Variants in TRMT11 observed in about 807,000 individuals in gnomAD.
The protein encoded by TRMT11 is tRNA methyltransferase 11, also known as tRNA (guanine(10)-N(2))-methyltransferase TRMT11.
A neutral mutation model predicts 62.8 loss-of-function variants in TRMT11; 53 were observed. The ratio of observed to expected loss-of-function variants is 0.84; its 90% CI spans 0.68 to 1.06. TRMT11 has a LOEUF of 1.06. TRMT11 is among the 50% of genes least tolerant of loss of function. The pLI is 0.00. For synonymous variants in TRMT11, 188 were observed against 190.3 expected (o/e 0.99, Z 0.10); for missense variants, 556 against 553.4 (o/e 1.00, Z -0.05).
chr6:126,133,626 A>G (rs575831696), intron 21 of TRMT11, among the ~76,000 whole-genome samples: 1 of 152,118 alleles, frequency 6.6e-6, no homozygotes, highest in African/African-American at 2.4e-5. Context: ...TTATTAGACA[A>G]TATAGTGGGA....
intron 21 of TRMT11, among the ~76,000 whole-genome samples, chr6:126,169,530 G>GT (rs1227281359): frequency 1.3e-5 from 2 of 152,142 alleles, no homozygotes; most frequent in African/African-American, 2.4e-5. Flanking sequence ...ATTCCTCTTG[G>GT]TTTTGACTGC....
chr6:126,055,224 C>T (rs1776337926), intron 17 of TRMT11, among the ~76,000 whole-genome samples: 1 of 152,294 alleles, frequency 6.6e-6, no homozygotes, highest in African/African-American at 2.4e-5. Flanking sequence ...CTCGGCCTCC[C>T]AAAGTGCTAT....
chr6:125,998,810 TTGG>T, intron 6 of TRMT11, 126 bp downstream of exon 6: 1 of 870,830 alleles, frequency 1.1e-6, no homozygotes, highest in East Asian at 2.5e-5. Flanking sequence ...TGGATTAAAA[TTGG>T]TGAAGAGTAT....
chr6:126,250,295 T>C, the TRMT11 span, among the ~76,000 whole-genome samples: 1 of 152,006 alleles, frequency 6.6e-6, no homozygotes, highest in South Asian at 2.1e-4. Flanking sequence ...AGGGGAACTC[T>C]CTCCTCAATG....
chr6:126,234,994 T>C, the TRMT11 span, among the ~76,000 whole-genome samples: 3 of 152,092 alleles, frequency 2.0e-5, no homozygotes, highest in Non-Finnish European at 2.9e-5. Flanking sequence ...GAAAATATGT[T>C]TGAAATTTAC....
Position 125,986,577 on chromosome 6 carries a change from G to T in TRMT11, c.27G>T (p.Arg9Ser). 1 of 1,591,992 alleles carries T rather than the reference G, an allele frequency of 6.3e-7. No individual in the cohort carries two copies. MALSCTLN[R>S]YLLLMAQEHL... ...TGGCGCTGTCGTGTACCCTTAACAG[G>T]TATCTGCTCCTCATGGCGCAGGAGC... The change falls in exon 1 of 13, where the codon AGG becomes AGT. Residue 9 changes from arginine (R) to serine (S), a missense_variant. By Grantham distance (110) the Arg-to-Ser change is moderately radical. Transcript: ENST00000334379.
chr6:126,158,070 T>C, intron 21 of TRMT11, among the ~76,000 whole-genome samples: 1 of 152,318 alleles, frequency 6.6e-6, no homozygotes, highest in African/African-American at 2.4e-5. Context: ...TATAACAGAA[T>C]AATAGTAATA....
chr6:126,004,421 ATTTGTG>A (rs1793025447), intron 7 of TRMT11, among the ~76,000 whole-genome samples: 1 of 152,020 alleles, frequency 6.6e-6, no homozygotes, highest in African/African-American at 2.4e-5. Context: ...TATTTTCGTA[ATTTGTG>A]TTTGTAGTTT....
the TRMT11 span, among the ~76,000 whole-genome samples, chr6:126,238,011 A>T: frequency 6.6e-6 from 1 of 152,168 alleles, no homozygotes. Flanking sequence ...AGGTGTGTGT[A>T]GTATTCTCTG....
chr6:126,162,271 C>A (rs868349063), intron 21 of TRMT11, among the ~76,000 whole-genome samples: 1 of 152,164 alleles, frequency 6.6e-6, no homozygotes, highest in African/African-American at 2.4e-5. Context: ...TTTCAGTTTT[C>A]TGCATATGGC....
downstream of TRMT11, among the ~76,000 whole-genome samples, chr6:126,043,360 A>C (rs1221475780): frequency 6.6e-6 from 1 of 151,534 alleles, no homozygotes; most frequent in African/African-American, 2.4e-5. Flanking sequence ...AATTTCATCC[A>C]TGTCCCTACA....
At chr6:126,176,072 T>C (rs1004570101), upstream of TRMT11, among the ~76,000 whole-genome samples, 8 of 152,190 alleles carry the variant, frequency 5.3e-5, no homozygotes, top group African/African-American at 1.9e-4. Context: ...TGATGTGTAA[T>C]CACTGAAACG....
At chr6:126,229,518 A>T in the TRMT11 span, among the ~76,000 whole-genome samples, 1 of 152,242 alleles carries the variant, frequency 6.6e-6, no homozygotes, top group Non-Finnish European at 1.5e-5. Context: ...ATTTAAAAGA[A>T]ATGTATCCTG....
Position 125,998,537 on chromosome 6 carries a change from T to C in TRMT11, c.388-13T>C. 6.2e-7 allele frequency: 1 copy of C among 1,605,818 alleles called. No individual in the cohort carries two copies. Among genetic ancestry groups the C allele is most frequent in the East Asian group, 2.2e-5 (1 of 44,770 alleles). Reference sequence around the variant, plus strand: ...TTATTATAAGACATCAGCATTTCTTTTGTTTCTTTTAGGCACTTGAATTTC... The same window carrying C: ...TTATTATAAGACATCAGCATTTCTTCTGTTTCTTTTAGGCACTTGAATTTC... On this transcript the variant is annotated splice_polypyrimidine_tract_variant and intron_variant, in intron 5 of 12. Transcript: ENST00000334379.
At chr6:126,024,322 GA>G (rs1403341005) in intron 12 of TRMT11, among the ~76,000 whole-genome samples, 1 of 152,218 alleles carries the variant, frequency 6.6e-6, no homozygotes, top group Admixed American at 6.5e-5. Flanking sequence ...GGTGTCAGCA[GA>G]CTTGGCTTCT....
chr6:126,065,983 G>A (rs905915033), intron 17 of TRMT11, among the ~76,000 whole-genome samples: 9 of 152,340 alleles, frequency 5.9e-5, no homozygotes, highest in African/African-American at 1.9e-4. Flanking sequence ...ACAAAGATGG[G>A]AATATCCTCG....
At chr6:126,009,150 A>G (rs1157256400) in intron 8 of TRMT11, among the ~76,000 whole-genome samples, 1 of 152,024 alleles carries the variant, frequency 6.6e-6, no homozygotes, top group African/African-American at 2.4e-5. Context: ...ATCACCACTC[A>G]TTTAAAGATT....
the TRMT11 span, among the ~76,000 whole-genome samples, chr6:126,263,062 T>C: frequency 6.6e-6 from 1 of 152,176 alleles, no homozygotes; most frequent in African/African-American, 2.4e-5. Flanking sequence ...CCTCTTCCTA[T>C]TCTCTTCAGT....
At chr6:126,241,527 T>C in the TRMT11 span, among the ~76,000 whole-genome samples, 4 of 152,174 alleles carry the variant, frequency 2.6e-5, no homozygotes, top group African/African-American at 7.2e-5. Context: ...ATGAAGAACA[T>C]TGATGCAAAA....
Sources: gnomAD v4.1 joint callset for allele counts (sites outside exome capture counted in the v4.1 genomes callset) on GRCh38, gnomAD v4.1.1 for gene constraint, MANE v1.5 for transcripts, NCBI Gene and HGNC (gene_info 2026-07-23, HGNC 2026-07-21) for gene names.